Variants in TTC28 observed in about 807,000 individuals in gnomAD.
TTC28 encodes tetratricopeptide repeat domain 28.
Under a neutral mutation model 198.0 loss-of-function variants are expected in TTC28, and 61 were observed. That is an observed-to-expected ratio of 0.31 (90% CI 0.25 to 0.38). The LOEUF (loss-of-function observed/expected upper bound fraction) is 0.38, where lower values mean the gene tolerates loss of function less well. Among genes scored for constraint, TTC28 ranks in the 10% least tolerant of loss-of-function variants. The probability of loss-of-function intolerance (pLI) is 1.00; values close to 1 mark genes in which losing one functional copy is unlikely to be tolerated. For synonymous variants in TTC28, 1,171 were observed against 1,297.8 expected (o/e 0.90, Z 2.10); for missense variants, 2,678 against 3,164.0 (o/e 0.85, Z 3.69).
chr22:28,145,501 C>T lies in TTC28; in HGVS notation c.1441+17591G>A, dbSNP rs58174266. On this transcript the variant is annotated intron_variant, in intron 6 of 22. Transcript: ENST00000397906. Reference sequence around the variant, plus strand: ...GTGGGGGCAGAGTTAGAATCTGGGGCGGGTTTCTCCTGGTCAGCGTTTTGA... The same window carrying T: ...GTGGGGGCAGAGTTAGAATCTGGGGTGGGTTTCTCCTGGTCAGCGTTTTGA... Among the ~76,000 whole-genome samples, 597 of 152,082 alleles carry T rather than the reference C, an allele frequency of 3.9e-3. 7 individuals are homozygous for T. The highest frequency in any genetic ancestry group is 0.014 in the African/African-American group (574 of 41,500).
intron 13 of TTC28, among the ~76,000 whole-genome samples, chr22:28,025,425 C>A (rs1938791514): frequency 6.6e-6 from 1 of 152,172 alleles, no homozygotes; most frequent in Non-Finnish European, 1.5e-5. Context: ...GCCCCAGAGC[C>A]CAAGATTTCT....
At chr22:28,432,690 G>A (rs1246681040) in intron 2 of TTC28, among the ~76,000 whole-genome samples, 3 of 152,182 alleles carry the variant, frequency 2.0e-5, no homozygotes, top group Non-Finnish European at 2.9e-5. Context: ...ACTTATCAAT[G>A]AGATCTATTT....
At chr22:28,492,297 G>T (rs1300237316) in intron 2 of TTC28, among the ~76,000 whole-genome samples, 2 of 151,466 alleles carry the variant, frequency 1.3e-5, no homozygotes, top group Non-Finnish European at 2.9e-5. Flanking sequence ...CCAATTAAAA[G>T]ACAAAAAAAA....
intron 6 of TTC28, among the ~76,000 whole-genome samples, chr22:28,128,561 A>G (rs1601353561): frequency 6.6e-6 from 1 of 151,686 alleles, no homozygotes; most frequent in East Asian, 2.0e-4. Context: ...TTTTTGAGAC[A>G]GGGTTTTGTT....
At chr22:27,990,221 T>C in intron 20 of TTC28, 1 of 589,774 alleles carries the variant, frequency 1.7e-6, no homozygotes, top group Non-Finnish European at 2.7e-6. Context: ...CAAGAGGCTG[T>C]GTGGCCTCCT....
Position 28,096,055 on chromosome 22 carries a change from C to T in TTC28, c.3766+135G>A, listed in dbSNP as rs944060144. ...ATGCCCCACCACGGCATATCCACTG[C>T]GGCTGAGGTTTTGCTAAAATCTGAC... is the stretch of plus-strand genomic sequence containing the variant. On this transcript the variant is annotated intron_variant, in intron 11 of 22. Coordinates refer to ENST00000397906, the MANE Select transcript of TTC28 (RefSeq NM_001145418.2). 6.1e-6 allele frequency: 8 copies of T among 1,308,604 alleles called. No homozygotes were observed. In the East Asian group the frequency reaches 1.4e-4, roughly 22 times the overall value. The allele number at this position is 1,308,604 out of a possible 1,614,324, so 81.1% of individuals were successfully genotyped here.
At chr22:28,129,356 G>T (rs952779429) in intron 6 of TTC28, among the ~76,000 whole-genome samples, 1 of 152,196 alleles carries the variant, frequency 6.6e-6, no homozygotes, top group Non-Finnish European at 1.5e-5. Flanking sequence ...CTGAGAGTGG[G>T]CATCAGTGTT....
chr22:28,576,899 C>T (rs958389666), intron 2 of TTC28, among the ~76,000 whole-genome samples: 1 of 151,248 alleles, frequency 6.6e-6, no homozygotes. Flanking sequence ...AAAGGTTTGT[C>T]GATTTTATCT....
At chr22:27,993,673 C>A in intron 17 of TTC28, 155 bp from the exon 18 acceptor site, 1 of 679,262 alleles carries the variant, frequency 1.5e-6, no homozygotes, top group Non-Finnish European at 2.4e-6. Context: ...GACACTGGGG[C>A]ACTGACTAGG....
Position 28,138,265 on chromosome 22 carries a change from C to A in TTC28, c.1441+24827G>T, listed in dbSNP as rs563375622. On this transcript the variant is annotated intron_variant, in intron 6 of 22. Coordinates refer to ENST00000397906, the MANE Select transcript of TTC28 (RefSeq NM_001145418.2). Reference sequence around the variant, plus strand: ...AATCATTATAATTTTGAGATACTGTCGAAAGCTGTTAGAACTCTTTATTTT... The same window carrying A: ...AATCATTATAATTTTGAGATACTGTAGAAAGCTGTTAGAACTCTTTATTTT... Among the ~76,000 whole-genome samples, 67 of 152,206 alleles carry A rather than the reference C, an allele frequency of 4.4e-4. 1 individual carries two copies. Among genetic ancestry groups the A allele is most frequent in the Admixed American group, 6.5e-4 (10 of 15,292 alleles).
chr22:28,436,223 A>G (rs952278560), intron 2 of TTC28, among the ~76,000 whole-genome samples: 2 of 152,222 alleles, frequency 1.3e-5, no homozygotes, highest in African/African-American at 4.8e-5. Context: ...AGCATTTCTA[A>G]TAACTGGCCG....
chr22:28,277,609 G>A (rs924993157), intron 5 of TTC28, among the ~76,000 whole-genome samples: 1 of 152,138 alleles, frequency 6.6e-6, no homozygotes. Flanking sequence ...TGGACACACG[G>A]TAGATTTTGT....
In TTC28 at chr22:28,167,958, G is replaced by T. The variant is rs1347979430; in HGVS notation, c.934-4359C>A. Among the ~76,000 whole-genome samples the T allele has an allele frequency of 2.6e-5, 4 of 152,156 alleles. No individual in the cohort carries two copies. The East Asian group carries it at 7.7e-4, about 29-fold the overall frequency. On this transcript the variant is annotated intron_variant, in intron 5 of 22. Transcript: ENST00000397906. ...GCCTCAAATCTTCTTAAGCTGATAA[G>T]GAACTTCAGCAAAGTCTCAGAATAC... is the stretch of plus-strand genomic sequence containing the variant.
At chr22:28,374,755 C>T (rs1190683281) in intron 2 of TTC28, among the ~76,000 whole-genome samples, 1 of 152,196 alleles carries the variant, frequency 6.6e-6, no homozygotes. Context: ...GATCTCGGCT[C>T]ACTGCAACCT....
chr22:28,065,306 G>T (rs1006063059), intron 12 of TTC28, among the ~76,000 whole-genome samples: 2 of 152,188 alleles, frequency 1.3e-5, no homozygotes, highest in East Asian at 1.9e-4. Flanking sequence ...GAAAGTATGG[G>T]TTACTCTGCC....
chr22:28,098,381 G>A (rs1418165439), intron 10 of TTC28, among the ~76,000 whole-genome samples: 2 of 152,106 alleles, frequency 1.3e-5, no homozygotes, highest in African/African-American at 4.8e-5. Context: ...CCTGTCTCAA[G>A]GACACTTTCT....
At chr22:28,492,303 A>G (rs2146346335) in intron 2 of TTC28, among the ~76,000 whole-genome samples, 1 of 152,322 alleles carries the variant, frequency 6.6e-6, no homozygotes, top group South Asian at 2.1e-4. Context: ...AAAAGACAAA[A>G]AAAAGAGAAA....
intron 2 of TTC28, among the ~76,000 whole-genome samples, chr22:28,556,835 G>A (rs73430155): frequency 0.1 from 15,155 of 152,234 alleles, 858 homozygotes; most frequent in African/African-American, 0.12. Context: ...AGCTGATGCT[G>A]GTTATTGGCA....
chr22:28,208,082 A>T (rs1926585624), intron 5 of TTC28, among the ~76,000 whole-genome samples: 1 of 152,178 alleles, frequency 6.6e-6, no homozygotes, highest in African/African-American at 2.4e-5. Flanking sequence ...TATGCTTTTA[A>T]GTATGCGTGT....
Sources: gnomAD v4.1 joint callset for allele counts (sites outside exome capture counted in the v4.1 genomes callset) on GRCh38, gnomAD v4.1.1 for gene constraint, MANE v1.5 for transcripts, NCBI Gene and HGNC (gene_info 2026-07-23, HGNC 2026-07-21) for gene names.